GABBR2: variants seen among roughly 807,000 people sequenced by gnomAD.
GABBR2 encodes G-protein coupled receptor 51.
A neutral mutation model predicts 105.6 loss-of-function variants in GABBR2; 23 were observed. The ratio of observed to expected loss-of-function variants is 0.22; its 90% CI spans 0.16 to 0.31. GABBR2 has a LOEUF of 0.31. GABBR2 is among the 10% of genes least tolerant of loss of function. The pLI is 1.00. For missense variants in GABBR2, 734 were observed against 1,245.5 expected (o/e 0.59, Z 6.18); for synonymous variants, 478 against 499.7 (o/e 0.96, Z 0.58).
chr9:98,611,180 A>G (rs1829500562), intron 1 of GABBR2, among the ~76,000 whole-genome samples: 1 of 151,996 alleles, frequency 6.6e-6, no homozygotes, highest in East Asian at 1.9e-4. Flanking sequence ...CCCCGGAGAT[A>G]AAGATTGGGA....
At chr9:98,517,267 T>A (rs2779566) in intron 3 of GABBR2, among the ~76,000 whole-genome samples, 1 of 152,204 alleles carries the variant, frequency 6.6e-6, no homozygotes, top group African/African-American at 2.4e-5. Flanking sequence ...TGAGGTTCCT[T>A]TTGCAACCTC....
intron 3 of GABBR2, among the ~76,000 whole-genome samples, chr9:98,532,664 C>T (rs573025730): frequency 5.9e-5 from 9 of 152,312 alleles, no homozygotes; most frequent in Non-Finnish European, 1.3e-4. Context: ...CACACTCTAG[C>T]TGCATCAAAA....
At chr9:98,592,758 A>G (rs1002856908) in intron 1 of GABBR2, among the ~76,000 whole-genome samples, 1 of 152,248 alleles carries the variant, frequency 6.6e-6, no homozygotes, top group Non-Finnish European at 1.5e-5. Flanking sequence ...GCAAAGAGCC[A>G]GGGAAAGTGA....
In GABBR2 at chr9:98,541,870, T is replaced by C; in HGVS notation, c.630+3A>G. 6.2e-7 allele frequency: 1 copy of C among 1,613,934 alleles called. No individual in the cohort carries two copies. ...AGGCCGTGTCCACACAAGCCGAGCG[T>C]ACCTCAGAGAACCTCTGAACGTCTT... On this transcript the variant is annotated splice_donor_region_variant and intron_variant, in intron 3 of 18. Transcript: ENST00000259455.
Position 98,320,477 on chromosome 9 carries a change from G to A in GABBR2, c.1894-9272C>T, listed in dbSNP as rs781183665. Among the ~76,000 whole-genome samples the A allele has an allele frequency of 4.3e-3, 660 of 151,972 alleles. 2 individuals carry two copies. Among genetic ancestry groups the A allele is most frequent in the Middle Eastern group, 0.01 (3 of 290 alleles). On this transcript the variant is annotated intron_variant, in intron 13 of 18. Coordinates refer to ENST00000259455, the MANE Select transcript of GABBR2 (RefSeq NM_005458.8). ...ATTTGACCCAGCCATCCCATTACTG[G>A]GTATATACCCAAAGGACTATAAATC...
intron 1 of GABBR2, among the ~76,000 whole-genome samples, chr9:98,652,644 A>C (rs1564142101): frequency 6.6e-6 from 1 of 152,200 alleles, no homozygotes; most frequent in East Asian, 1.9e-4. Flanking sequence ...CATTTCTGAT[A>C]AGTCTTCCTC....
In GABBR2 at chr9:98,689,030, T is replaced by C. The variant is rs76334750; in HGVS notation, c.321+19387A>G. 5.4e-3 allele frequency among the ~76,000 whole-genome samples: 820 copies of C among 152,350 alleles called. 5 individuals carry two copies. Among genetic ancestry groups the C allele is most frequent in the African/African-American group, 0.019 (788 of 41,576 alleles). ...CTTCTGGAGGAGGTCACCACTATCATGAAGACTCCGGTTCTAGTCCCAGCC... is the reference window on the plus strand; with the variant it reads ...CTTCTGGAGGAGGTCACCACTATCACGAAGACTCCGGTTCTAGTCCCAGCC... On this transcript the variant is annotated intron_variant, in intron 1 of 18. Coordinates refer to ENST00000259455, the MANE Select transcript of GABBR2 (RefSeq NM_005458.8).
rs76800416 is a variant in GABBR2, at chr9:98,501,910, C to G, written c.631-5396G>C. On this transcript the variant is annotated intron_variant, in intron 3 of 18. Transcript: ENST00000259455. ...ACTCATGCTGAGCAGGAGAAAATGC[C>G]GCCAGGTCAGATCAGCTGTCTGAAC... Among the ~76,000 whole-genome samples, 6 of 152,270 alleles carry G rather than the reference C, an allele frequency of 3.9e-5. No individual in the cohort carries two copies. The East Asian group carries it at 1.2e-3, about 29-fold the overall frequency.
chr9:98,537,202 C>G (rs1460248197), intron 3 of GABBR2, among the ~76,000 whole-genome samples: 1 of 152,194 alleles, frequency 6.6e-6, no homozygotes, highest in Admixed American at 6.5e-5. Flanking sequence ...AAGGGATTAC[C>G]ACTCAGCAGT....
chr9:98,601,895 G>A (rs1263734064), intron 1 of GABBR2, among the ~76,000 whole-genome samples: 3 of 152,218 alleles, frequency 2.0e-5, no homozygotes, highest in Non-Finnish European at 2.9e-5. Flanking sequence ...AGCTGCCTGC[G>A]ATTGCCAAAG....
rs568060673 is a variant in GABBR2 at position 98,633,573 on chromosome 9, G to A, written c.322-55501C>T. ...CCGGAGGTGGAGGTTACAGTGAGCC[G>A]AGATCTCACCATTGCACTCCAGCCT... On this transcript the variant is annotated intron_variant, in intron 1 of 18. Coordinates refer to ENST00000259455, the MANE Select transcript of GABBR2 (RefSeq NM_005458.8). Among the ~76,000 whole-genome samples, 4 of 144,000 alleles carry A rather than the reference G, an allele frequency of 2.8e-5. No homozygotes were observed. The East Asian group carries it at 6.2e-4, about 22-fold the overall frequency. 94.5% of individuals were successfully genotyped at this position (144,000 alleles called of 152,430 possible).
intron 3 of GABBR2, among the ~76,000 whole-genome samples, chr9:98,522,640 T>C (rs544071828): frequency 6.6e-6 from 1 of 152,306 alleles, no homozygotes; most frequent in East Asian, 1.9e-4. Flanking sequence ...TTGTGATTTA[T>C]GCAAGGGCAT....
intron 13 of GABBR2, among the ~76,000 whole-genome samples, chr9:98,346,854 T>C (rs1385398350): frequency 6.6e-6 from 1 of 152,214 alleles, no homozygotes; most frequent in African/African-American, 2.4e-5. Flanking sequence ...GCCTGACTTA[T>C]TTCACTTAAC....
intron 4 of GABBR2, among the ~76,000 whole-genome samples, chr9:98,494,002 A>G (rs968397932): frequency 2.0e-5 from 3 of 152,228 alleles, no homozygotes; most frequent in African/African-American, 7.2e-5. Context: ...ATACTAGAAT[A>G]GGGGAGGCTC....
intron 3 of GABBR2, among the ~76,000 whole-genome samples, chr9:98,514,554 AAAAC>A: frequency 6.7e-6 from 1 of 149,954 alleles, no homozygotes; most frequent in Non-Finnish European, 1.5e-5. Flanking sequence ...CAAGGACAAA[AAAAC>A]AAACACAGCA....
intron 7 of GABBR2, among the ~76,000 whole-genome samples, chr9:98,440,629 C>A (rs1041662445): frequency 2.0e-5 from 3 of 152,168 alleles, no homozygotes; most frequent in Admixed American, 6.5e-5. Flanking sequence ...AAGGAGGTGG[C>A]AGTGGTGGTT....
chr9:98,539,888 C>CA (rs1826661536), intron 3 of GABBR2, among the ~76,000 whole-genome samples: 1 of 147,908 alleles, frequency 6.8e-6, no homozygotes, highest in Non-Finnish European at 1.5e-5. Context: ...TGCACTCCAG[C>CA]CTGGTGACAG....
chr9:98,625,833 T>C (rs1442839125), intron 1 of GABBR2, among the ~76,000 whole-genome samples: 2 of 152,216 alleles, frequency 1.3e-5, no homozygotes, highest in African/African-American at 4.8e-5. Flanking sequence ...CAGGGACTGG[T>C]TCCTGCCCAT....
intron 3 of GABBR2, among the ~76,000 whole-genome samples, chr9:98,497,878 G>C (rs1160124977): frequency 6.6e-6 from 1 of 152,124 alleles, no homozygotes; most frequent in Admixed American, 6.5e-5. Flanking sequence ...TTCCACTTCT[G>C]GGCACGTACC....
Sources: allele counts gnomAD v4.1 joint callset (sites outside exome capture counted in the v4.1 genomes callset), GRCh38; gene constraint gnomAD v4.1.1; transcripts MANE v1.5; gene names NCBI Gene and HGNC (gene_info 2026-07-23, HGNC 2026-07-21).